The following OGDH variants were observed in gnomAD, a reference collection of about 807,000 sequenced individuals.
OGDH encodes 2-oxoglutarate dehydrogenase complex component E1.
OGDH carries 38 observed loss-of-function variants against 116.6 expected under a neutral mutation model. The observed-to-expected ratio is 0.33, with a 90% CI of 0.25 to 0.43. OGDH has a LOEUF of 0.43. Ranked by LOEUF, OGDH falls within the 20% of genes least tolerant of loss-of-function variation. The pLI, the probability that OGDH is intolerant of heterozygous loss-of-function variation, is 1.00. For synonymous variants in OGDH, 488 were observed against 533.3 expected, an observed-to-expected ratio of 0.92 and a Z score of 1.17; for missense variants, 825 against 1,357.2, an observed-to-expected ratio of 0.61 and a Z score of 6.16.
chr7:44,652,525 A>G (rs912962938), intron 4 of OGDH, among the ~76,000 whole-genome samples: 1 of 152,188 alleles, frequency 6.6e-6, no homozygotes, highest in Non-Finnish European at 1.5e-5. Flanking sequence ...CTGGGGAAAG[A>G]GGGTTGAGAG....
At chr7:44,692,003 A>T (rs901405211) in intron 10 of OGDH, among the ~76,000 whole-genome samples, 1 of 150,442 alleles carries the variant, frequency 6.6e-6, no homozygotes, top group Admixed American at 6.6e-5. Flanking sequence ...AAAAAAAAAA[A>T]AAGTTTGATA....
At chr7:44,688,320 G>A (rs954900376) in intron 10 of OGDH, among the ~76,000 whole-genome samples, 3 of 151,604 alleles carry the variant, frequency 2.0e-5, no homozygotes, top group African/African-American at 4.8e-5. Context: ...GCGGTGAGCC[G>A]AGATCACGCC....
chr7:44,609,509 CAAAA>C (rs56730903), intron 1 of OGDH, among the ~76,000 whole-genome samples: 9 of 103,828 alleles, frequency 8.7e-5, no homozygotes, highest in Admixed American at 1.0e-4. Flanking sequence ...GACCCTGTCT[CAAAA>C]AAAAAAAAAA....
chr7:44,708,021 G>A lies in OGDH; in HGVS notation c.*22G>A. On this transcript the variant is annotated 3_prime_UTR_variant, in exon 23 of 23. Transcript: ENST00000222673. ...GTAGATGCTGCCTAGGGTTGCTTGG[G>A]CCACTGCCCTCTCCACACCCATGAC... The A allele has an allele frequency of 6.2e-7, 1 of 1,607,736 alleles. No homozygotes were observed. The highest frequency in any genetic ancestry group is 8.5e-7 in the Non-Finnish European group (1 of 1,178,354).
At chr7:44,659,160 TGATTTAATGCTAATGTCGTGGTAGAC>T (rs1277685339) in intron 4 of OGDH, among the ~76,000 whole-genome samples, 2 of 151,980 alleles carry the variant, frequency 1.3e-5, no homozygotes, top group South Asian at 2.1e-4. Context: ...TTAATGTAGA[TGATTTAATGCTAATGTCGTGGTAGAC>T]GATTTAATGC....
In OGDH at chr7:44,675,962, C is replaced by A. The variant is rs377574901; in HGVS notation, c.1027-8C>A. 5.0e-6 allele frequency: 8 copies of A among 1,612,748 alleles called. No homozygotes were observed. The highest frequency in any genetic ancestry group is 6.8e-6 in the Non-Finnish European group (8 of 1,178,888). On this transcript the variant is annotated splice_region_variant and splice_polypyrimidine_tract_variant and intron_variant, in intron 8 of 22. Coordinates refer to ENST00000222673, the MANE Select transcript of OGDH (RefSeq NM_002541.4). ...GCCAGGGTGCAAATTCACTGTTTAC[C>A]CCATCAGGGCTCCGGAGATGTGAAG...
Position 44,693,839 on chromosome 7 carries a change from C to A in OGDH, c.1350C>A (p.Thr450=). 6.3e-7 allele frequency: 1 copy of A among 1,595,596 alleles called. No homozygotes were observed. Among genetic ancestry groups the A allele is most frequent in the Non-Finnish European group, 8.6e-7 (1 of 1,166,652 alleles). ...GTTCCTTGCAGATCGGCTTCACCAC[C>A]GACCCTCGGATGGCCCGCTCCTCCC... ...VVVNNQIGFT[T]DPRMARSSPY... The change falls in exon 11 of 23, where the codon ACC becomes ACA. Residue 450 remains threonine (T), a synonymous_variant. Transcript: ENST00000222673.
intron 1 of OGDH, among the ~76,000 whole-genome samples, chr7:44,610,752 G>A (rs1291095899): frequency 6.6e-6 from 1 of 152,062 alleles, no homozygotes; most frequent in Non-Finnish European, 1.5e-5. Flanking sequence ...GACTACAGCC[G>A]CGTGCCACCA....
intron 1 of OGDH, among the ~76,000 whole-genome samples, chr7:44,617,473 GA>G (rs1209264444): frequency 4.6e-5 from 7 of 151,648 alleles, no homozygotes; most frequent in African/African-American, 1.7e-4. Flanking sequence ...ATCTAGCAAT[GA>G]AAAAAAACTT....
At chr7:44,698,960 A>G (rs941374815) in intron 18 of OGDH, among the ~76,000 whole-genome samples, 1 of 152,066 alleles carries the variant, frequency 6.6e-6, no homozygotes, top group Non-Finnish European at 1.5e-5. Flanking sequence ...CCTGGCCAAT[A>G]TGGTGAAACC....
chr7:44,656,745 G>A (rs1204373853), intron 4 of OGDH, among the ~76,000 whole-genome samples: 1 of 152,180 alleles, frequency 6.6e-6, no homozygotes, highest in African/African-American at 2.4e-5. Flanking sequence ...TCTGTGCTGA[G>A]GCTTTGACTG....
intron 10 of OGDH, among the ~76,000 whole-genome samples, chr7:44,691,981 T>TAAAAA (rs371665967): frequency 3.6e-4 from 37 of 102,606 alleles, no homozygotes; most frequent in African/African-American, 1.5e-3. Context: ...GACTCTGTCT[T>TAAAAA]AAAAAAAAAA....
At chr7:44,702,769 T>A (rs1788893238) in intron 20 of OGDH, among the ~76,000 whole-genome samples, 1 of 152,110 alleles carries the variant, frequency 6.6e-6, no homozygotes, top group South Asian at 2.1e-4. Context: ...ATTTTGTTTT[T>A]GTATTTTTAG....
intron 5 of OGDH, among the ~76,000 whole-genome samples, chr7:44,669,357 G>A (rs1384634614): frequency 1.3e-5 from 2 of 151,882 alleles, no homozygotes; most frequent in Admixed American, 1.3e-4. Context: ...TCACCACGTT[G>A]CCCAGGCTGA....
chr7:44,693,781 G>A (rs371851558), intron 10 of OGDH, 44 bp from the exon 11 acceptor site: 151 of 1,522,108 alleles, frequency 9.9e-5, no homozygotes, highest in East Asian at 4.9e-4. Flanking sequence ...TCCCTGTGCC[G>A]GCTGTGCCAG....
At chr7:44,654,598 C>T (rs146119033) in intron 4 of OGDH, among the ~76,000 whole-genome samples, 1 of 152,218 alleles carries the variant, frequency 6.6e-6, no homozygotes, top group African/African-American at 2.4e-5. Flanking sequence ...CACAGATAAC[C>T]GAGGAGCTGG....
chr7:44,695,086 G>GT (rs1211206318), intron 12 of OGDH, among the ~76,000 whole-genome samples: 278 of 149,024 alleles, frequency 1.9e-3, no homozygotes, highest in Middle Eastern at 6.8e-3. Context: ...TTGTGAACCA[G>GT]TTTTTTTTTT....
At chr7:44,679,918 C>A (rs1204065690) in intron 9 of OGDH, among the ~76,000 whole-genome samples, 1 of 152,256 alleles carries the variant, frequency 6.6e-6, no homozygotes, top group East Asian at 1.9e-4. Flanking sequence ...CCTTAAAAAC[C>A]CATCTTTCTC....
intron 20 of OGDH, among the ~76,000 whole-genome samples, chr7:44,705,925 T>A (rs1208104686): frequency 6.6e-6 from 1 of 152,242 alleles, no homozygotes; most frequent in Non-Finnish European, 1.5e-5. Flanking sequence ...ACTGTATGTT[T>A]GTACCATTCA....
Sources: gnomAD v4.1 joint callset for allele counts (sites outside exome capture counted in the v4.1 genomes callset) on GRCh38, gnomAD v4.1.1 for gene constraint, MANE v1.5 for transcripts, NCBI Gene and HGNC (gene_info 2026-07-23, HGNC 2026-07-21) for gene names.